Variants in AMPH observed in about 807,000 individuals in gnomAD.
AMPH encodes the protein amphiphysin (Stiff-Mann syndrome with breast cancer 128kD autoantigen).
A neutral mutation model predicts 99.1 loss-of-function variants in AMPH; 49 were observed. That is an observed-to-expected ratio of 0.49 (90% CI 0.39 to 0.63). The LOEUF (loss-of-function observed/expected upper bound fraction) is 0.63, where lower values mean the gene tolerates loss of function less well. Among genes scored for constraint, AMPH ranks in the 20% least tolerant of loss-of-function variants. The probability of loss-of-function intolerance (pLI) is 0.00; values close to 1 mark genes in which losing one functional copy is unlikely to be tolerated. For missense variants in AMPH, 759 were observed against 863.4 expected, an observed-to-expected ratio of 0.88 and a Z score of 1.52; for synonymous variants, 314 against 317.3, an observed-to-expected ratio of 0.99 and a Z score of 0.11.
intron 14 of AMPH, chr7:38,428,834 G>C (rs1265786901): frequency 1.0e-5 from 5 of 495,676 alleles, no homozygotes. Context: ...TTTCTAATAG[G>C]TCAGTTTTCT....
intron 14 of AMPH, chr7:38,429,055 C>T (rs940771114): frequency 7.8e-7 from 1 of 1,290,252 alleles, no homozygotes; most frequent in Non-Finnish European, 1.0e-6. Flanking sequence ...CCAGTGTCTA[C>T]CTTTTGACAC....
intron 1 of AMPH, among the ~76,000 whole-genome samples, chr7:38,565,203 A>G: frequency 6.6e-6 from 1 of 152,022 alleles, no homozygotes; most frequent in Non-Finnish European, 1.5e-5. Context: ...AAATAATTTA[A>G]TATGATTTAT....
intron 1 of AMPH, among the ~76,000 whole-genome samples, chr7:38,611,207 A>C (rs1793669302): frequency 1.3e-5 from 2 of 152,222 alleles, no homozygotes; most frequent in Admixed American, 1.3e-4. Context: ...GAATCTCATC[A>C]CAGAAAGACA....
chr7:38,423,047 A>G (rs767289589), intron 15 of AMPH, among the ~76,000 whole-genome samples: 14 of 152,360 alleles, frequency 9.2e-5, no homozygotes, highest in Non-Finnish European at 1.9e-4. Flanking sequence ...ATACTATGAG[A>G]GTCATTAAAC....
intron 2 of AMPH, among the ~76,000 whole-genome samples, chr7:38,520,904 T>C (rs938459883): frequency 1.3e-5 from 2 of 152,196 alleles, no homozygotes; most frequent in Non-Finnish European, 1.5e-5. Context: ...TGCCTTTAAT[T>C]ACATCAGAGC....
intron 1 of AMPH, among the ~76,000 whole-genome samples, chr7:38,626,874 T>G (rs1794264605): frequency 6.7e-6 from 1 of 148,292 alleles, no homozygotes; most frequent in Admixed American, 6.7e-5. Flanking sequence ...ATATACAGTT[T>G]TTCATGATAA....
intron 1 of AMPH, among the ~76,000 whole-genome samples, chr7:38,575,188 T>C (rs1792191889): frequency 6.6e-6 from 1 of 152,066 alleles, no homozygotes; most frequent in African/African-American, 2.4e-5. Context: ...CTACTCTATA[T>C]AGACCCTCCA....
At chr7:38,556,657 C>T (rs990738332) in intron 1 of AMPH, among the ~76,000 whole-genome samples, 1 of 152,190 alleles carries the variant, frequency 6.6e-6, no homozygotes, top group Non-Finnish European at 1.5e-5. Context: ...CTCTCTGCCC[C>T]CTGCTCTGCT....
At position 38,391,754 on chromosome 7, in the gene AMPH, G is replaced by A. The variant is rs367707025; in HGVS notation, c.1872C>T (p.Leu624=). ...ACTTAAAAAATAAGAATACCTTGTA[G>A]AGAAAGCCAGGAGGCAATTCCTGAG... The part of the protein sequence containing the change: ...EASQELPPGF[L]YKVETLHDFE... Residue 624 remains leucine, a synonymous_variant, in exon 19 of 21, where the codon CTC becomes CTT. Transcript: ENST00000356264. 1 of 1,613,476 alleles carries A rather than the reference G, an allele frequency of 6.2e-7. No homozygotes were observed. Among genetic ancestry groups the A allele is most frequent in the African/African-American group, 1.3e-5 (1 of 75,036 alleles).
At chr7:38,614,223 A>T (rs1793789771) in intron 1 of AMPH, among the ~76,000 whole-genome samples, 1 of 152,200 alleles carries the variant, frequency 6.6e-6, no homozygotes, top group Non-Finnish European at 1.5e-5. Flanking sequence ...AAAAGTTGGA[A>T]TTTTATTACT....
At chr7:38,496,023 T>C (rs1354394423) in intron 3 of AMPH, among the ~76,000 whole-genome samples, 1 of 152,084 alleles carries the variant, frequency 6.6e-6, no homozygotes, top group African/African-American at 2.4e-5. Context: ...AGCCGGAAGG[T>C]GGGACCTGGC....
At chr7:38,626,070 T>C (rs1192048163) in intron 1 of AMPH, among the ~76,000 whole-genome samples, 4 of 152,224 alleles carry the variant, frequency 2.6e-5, no homozygotes, top group African/African-American at 9.6e-5. Context: ...TATAAGCATA[T>C]TTTTGAGAAA....
intron 1 of AMPH, among the ~76,000 whole-genome samples, chr7:38,551,528 T>G (rs1791182752): frequency 6.6e-6 from 1 of 152,188 alleles, no homozygotes; most frequent in South Asian, 2.1e-4. Context: ...TAGCATACAG[T>G]ATATTTAAAT....
intron 17 of AMPH, 64 bp from the exon 18 acceptor site, chr7:38,394,278 C>G: frequency 6.4e-7 from 1 of 1,550,732 alleles, no homozygotes; most frequent in Non-Finnish European, 8.8e-7. Flanking sequence ...GAGTCAAACT[C>G]AAGCCTATTT....
Position 38,599,531 on chromosome 7 carries a change from C to T in AMPH, c.69+31752G>A, listed in dbSNP as rs573694949. ...TATGCTAATCAACTGTTTGTACTAT[C>T]GTTAAGGTTTCCAGTTAACAGTAGG... On this transcript the variant is annotated intron_variant, in intron 1 of 20. Coordinates refer to ENST00000356264, the MANE Select transcript of AMPH (RefSeq NM_001635.4). 9.8e-4 allele frequency among the ~76,000 whole-genome samples: 149 copies of T among 152,296 alleles called. 1 individual carries two copies. Among genetic ancestry groups the T allele is most frequent in the African/African-American group, 3.4e-3 (143 of 41,564 alleles).
chr7:38,486,702 G>A (rs183509189), intron 5 of AMPH, among the ~76,000 whole-genome samples: 5 of 152,032 alleles, frequency 3.3e-5, no homozygotes, highest in South Asian at 2.1e-4. Flanking sequence ...AACTGAATTC[G>A]ACAGCAGATC....
At position 38,453,452 on chromosome 7, in the gene AMPH, G is replaced by A. The variant is rs1254729093; in HGVS notation, c.1017+7831C>T. Among the ~76,000 whole-genome samples, 3 of 152,114 alleles carry A rather than the reference G, an allele frequency of 2.0e-5. No individual in the cohort carries two copies. The East Asian group carries it at 5.8e-4, about 29-fold the overall frequency. On this transcript the variant is annotated intron_variant, in intron 11 of 20. Transcript: ENST00000356264. ...TTCTGTTTGGAAAGGCACTTCCTCT[G>A]CCCCAGTTCTTAACTTTTCCCATCA...
intron 1 of AMPH, among the ~76,000 whole-genome samples, chr7:38,631,035 G>C (rs897902375): frequency 1.2e-4 from 19 of 152,280 alleles, no homozygotes; most frequent in Middle Eastern, 3.4e-3. Context: ...GACATATCCG[G>C]CGTCTCCGGG....
At chr7:38,502,040 T>A (rs1789157430) in intron 3 of AMPH, among the ~76,000 whole-genome samples, 1 of 152,214 alleles carries the variant, frequency 6.6e-6, no homozygotes, top group African/African-American at 2.4e-5. Flanking sequence ...CTTTGGCTAA[T>A]TTTCCCTTAG....
Sources: allele counts gnomAD v4.1 joint callset (sites outside exome capture counted in the v4.1 genomes callset), GRCh38; gene constraint gnomAD v4.1.1; transcripts MANE v1.5; gene names NCBI Gene and HGNC (gene_info 2026-07-23, HGNC 2026-07-21).